The following DYNC2I1 variants were observed in gnomAD, a reference collection of about 807,000 sequenced individuals.
DYNC2I1 encodes the protein cytoplasmic dynein 2 intermediate chain 1.
DYNC2I1 carries 89 observed loss-of-function variants against 133.4 expected under a neutral mutation model. The ratio of observed to expected loss-of-function variants is 0.67; its 90% confidence interval spans 0.56 to 0.80. The LOEUF (loss-of-function observed/expected upper bound fraction) is 0.80. Among genes scored for constraint, DYNC2I1 ranks in the 30% least tolerant of loss-of-function variants. The probability of loss-of-function intolerance (pLI) is 0.00; values close to 1 mark genes in which losing one functional copy is unlikely to be tolerated. For synonymous variants in DYNC2I1, 504 were observed against 484.3 expected, an observed-to-expected ratio of 1.04 and a Z score of -0.54; for missense variants, 1,291 against 1,314.5, an observed-to-expected ratio of 0.98 and a Z score of 0.28.
intron 5 of DYNC2I1, among the ~76,000 whole-genome samples, chr7:158,882,559 C>T (rs2657357): frequency 0.14 from 21,670 of 151,844 alleles, 1,815 homozygotes; most frequent in Middle Eastern, 0.23. Flanking sequence ...GTCCAACCTG[C>T]GTGGTACAGT....
chr7:158,956,930 C>G (rs1414147107), downstream of DYNC2I1, among the ~76,000 whole-genome samples: 1 of 152,144 alleles, frequency 6.6e-6, no homozygotes, highest in African/African-American at 2.4e-5. Context: ...AGGATGGGCA[C>G]GGGCAGGGCT....
At chr7:158,851,804 G>A (rs1841065590), upstream of DYNC2I1, among the ~76,000 whole-genome samples, 1 of 152,046 alleles carries the variant, frequency 6.6e-6, no homozygotes, top group African/African-American at 2.4e-5. Context: ...ATCATCTCTG[G>A]GCTGCAAGAA....
chr7:158,854,486 C>T (rs1486810892), upstream of DYNC2I1, among the ~76,000 whole-genome samples: 2 of 85,204 alleles, frequency 2.3e-5, no homozygotes, highest in Non-Finnish European at 4.5e-5. Flanking sequence ...GAACATCACA[C>T]GTGGGGGTCT....
rs2244789 is a variant in DYNC2I1 at position 158,926,393 on chromosome 7, C to T, written c.2372-9C>T. ...GCCATTTCTTTCTTTTTGTTTCTGT[C>T]TTCATCAGAAATGTCAGGTTTGTCC... On this transcript the variant is annotated splice_polypyrimidine_tract_variant and intron_variant, in intron 18 of 24. Transcript: ENST00000407559. 0.79 allele frequency: 1,267,646 copies of T among 1,609,942 alleles called. 500,266 individuals carry two copies. Among genetic ancestry groups the T allele is most frequent in the East Asian group, 0.9 (40,428 of 44,802 alleles).
chr7:158,848,347 G>A, the DYNC2I1 span, among the ~76,000 whole-genome samples: 1 of 152,154 alleles, frequency 6.6e-6, no homozygotes, highest in Non-Finnish European at 1.5e-5. Flanking sequence ...TATTATCCAG[G>A]TCATGGTAAA....
chr7:158,911,623 C>T lies in DYNC2I1; in HGVS notation c.1534C>T (p.Pro512Ser). 6.2e-7 allele frequency: 1 copy of T among 1,613,442 alleles called. No homozygotes were observed. Among genetic ancestry groups the T allele is most frequent in the South Asian group, 1.1e-5 (1 of 90,976 alleles). The change falls in exon 12 of 25, where the codon CCA (proline) becomes TCA (serine). Residue 512 changes from proline to serine, a missense_variant. Physicochemically the swap from Pro to Ser is moderately conservative, Grantham distance 74. Transcript: ENST00000407559. Reference protein sequence around the residue: ...SFTFSLLDLPPVNEYDMYIRN... With the variant: ...SFTFSLLDLPSVNEYDMYIRN... ...TACTTTCTCTCTCTTGGATCTACCA[C>T]CAGTAAATGAATATGACATGTATAT...
At chr7:158,950,218 C>G (rs1300950923), downstream of DYNC2I1, among the ~76,000 whole-genome samples, 1 of 152,214 alleles carries the variant, frequency 6.6e-6, no homozygotes, top group Non-Finnish European at 1.5e-5. Flanking sequence ...TGTGCACCAC[C>G]ACACTCGGCT....
At chr7:158,844,416 T>A in the DYNC2I1 span, among the ~76,000 whole-genome samples, 146 of 152,228 alleles carry the variant, frequency 9.6e-4, no homozygotes, top group Non-Finnish European at 1.6e-3. Context: ...GGTCTCATGT[T>A]TACTCATTTC....
rs1444727237 is a variant in DYNC2I1 at position 158,945,657 on chromosome 7, T to A, written c.3079T>A (p.Ser1027Thr). 1.2e-6 allele frequency: 2 copies of A among 1,612,398 alleles called. No individual in the cohort carries two copies. Among genetic ancestry groups the A allele is most frequent in the Non-Finnish European group, 1.7e-6 (2 of 1,179,424 alleles). ...CCTGGCCCTGGTGCTGGCCAGGGCG[T>A]CTGGCTCCATCGACATCCAGCACCT... ...SFLALVLARA[S>T]GSIDIQHLKR... is the part of the protein sequence containing the mutation. Residue 1027 changes from serine to threonine, a missense_variant, in exon 25 of 25, where the codon TCT becomes ACT. Physicochemically the swap from Ser to Thr is moderately conservative, Grantham distance 58 (BLOSUM62 1). Coordinates refer to ENST00000407559, the MANE Select transcript of DYNC2I1 (RefSeq NM_018051.5). The surrounding 1 kb of genome is among the most constrained non-coding windows in gnomAD (Gnocchi z 4.1).
chr7:158,884,572 A>G lies in DYNC2I1; in HGVS notation c.888A>G (p.Glu296=), dbSNP rs1250415153. The G allele has an allele frequency of 6.2e-7, 1 of 1,612,312 alleles. No homozygotes were observed. Among genetic ancestry groups the G allele is most frequent in the Non-Finnish European group, 8.5e-7 (1 of 1,179,174 alleles). ...ATATTTTTGTTTGATAGAATGGTGA[A>G]CACAGAAATCGAGGTGCAAGCTCAA... is the stretch of plus-strand genomic sequence containing the variant. The part of the protein sequence containing the change: ...EPRKRESQNG[E]HRNRGASSKR... The change falls in exon 6 of 25, where the codon GAA becomes GAG. Residue 296 remains glutamate (E), a synonymous_variant. Coordinates refer to ENST00000407559, the MANE Select transcript of DYNC2I1 (RefSeq NM_018051.5).
At chr7:158,895,242 T>C (rs1480172207) in intron 8 of DYNC2I1, among the ~76,000 whole-genome samples, 2 of 152,238 alleles carry the variant, frequency 1.3e-5, no homozygotes, top group African/African-American at 4.8e-5. Flanking sequence ...TCATCTAGAT[T>C]TGTCCTGTGC....
In DYNC2I1 at chr7:158,910,304, T is replaced by G. The variant is rs1585120034; in HGVS notation, c.1461-1246T>G. Among the ~76,000 whole-genome samples the G allele has an allele frequency of 4.0e-5, 6 of 150,090 alleles. No individual in the cohort carries two copies. The South Asian group carries it at 1.1e-3, about 27-fold the overall frequency. ...CCATCGGCCGTGTCAGGCCTGTGGG[T>G]GCAGGGCCATTGGCTGTGTCAGGTC... is the stretch of plus-strand genomic sequence containing the variant. On this transcript the variant is annotated intron_variant, in intron 11 of 24. Transcript: ENST00000407559.
chr7:158,846,590 C>A, the DYNC2I1 span, among the ~76,000 whole-genome samples: 1 of 152,084 alleles, frequency 6.6e-6, no homozygotes, highest in South Asian at 2.1e-4. Flanking sequence ...AAATTGGACT[C>A]ATTAAAATAC....
chr7:158,885,273 C>T (rs1187205065), intron 6 of DYNC2I1, among the ~76,000 whole-genome samples: 3 of 151,680 alleles, frequency 2.0e-5, no homozygotes, highest in Admixed American at 6.6e-5. Context: ...GGTGGCTTTT[C>T]GCTAAAGCAG....
the DYNC2I1 span, among the ~76,000 whole-genome samples, chr7:158,850,113 T>G: frequency 6.6e-5 from 10 of 152,182 alleles, no homozygotes; most frequent in East Asian, 1.5e-3. Context: ...CCTGCAGAGC[T>G]GGGGAGTGGG....
chr7:158,933,335 T>C (rs1850413559), intron 21 of DYNC2I1, among the ~76,000 whole-genome samples: 1 of 152,264 alleles, frequency 6.6e-6, no homozygotes, highest in African/African-American at 2.4e-5. Flanking sequence ...TGAGCTGCTA[T>C]GTGATGGCTT....
intron 1 of DYNC2I1, among the ~76,000 whole-genome samples, chr7:158,863,676 A>G (rs1300408247): frequency 1.6e-3 from 39 of 25,092 alleles, no homozygotes; most frequent in Non-Finnish European, 2.1e-3. Context: ...GTGTGGGGAG[A>G]GCGGGACGTC....
chr7:158,874,192 T>G (rs1185235115), intron 3 of DYNC2I1, among the ~76,000 whole-genome samples: 1 of 151,672 alleles, frequency 6.6e-6, no homozygotes, highest in Non-Finnish European at 1.5e-5. Context: ...TAGGAGCTAC[T>G]GCACTTGGCC....
chr7:158,879,652 T>C (rs1260103075), intron 4 of DYNC2I1, 32 bp from the exon 5 acceptor site: 1 of 1,537,838 alleles, frequency 6.5e-7, no homozygotes, highest in Non-Finnish European at 8.7e-7. Context: ...TTTGATGTGC[T>C]CCTGTGTTTC....
Sources: gnomAD v4.1 joint callset for allele counts (sites outside exome capture counted in the v4.1 genomes callset) on GRCh38, gnomAD v4.1.1 for gene constraint, Gnocchi (gnomAD v3.1) non-coding constraint, MANE v1.5 for transcripts, NCBI Gene and HGNC (gene_info 2026-07-23, HGNC 2026-07-21) for gene names.